Variants in POLK observed in about 807,000 individuals in gnomAD.
POLK encodes DNA polymerase kappa, also known as polymerase (DNA directed) kappa.
A neutral mutation model predicts 94.0 loss-of-function variants in POLK; 76 were observed. The ratio of observed to expected loss-of-function variants is 0.81; its 90% confidence interval spans 0.67 to 0.98. The LOEUF (loss-of-function observed/expected upper bound fraction) is 0.98. POLK is among the 50% of genes least tolerant of loss of function. The pLI is 0.00. For synonymous variants in POLK, 349 were observed against 325.4 expected (o/e 1.07, Z -0.78); for missense variants, 954 against 1,010.1 (o/e 0.94, Z 0.75).
chr5:75,574,914 A>G (rs1292380849), intron 5 of POLK, among the ~76,000 whole-genome samples: 1 of 152,256 alleles, frequency 6.6e-6, no homozygotes, highest in Non-Finnish European at 1.5e-5. Context: ...AAAATCCTAC[A>G]AAAGTTTAGT....
At chr5:75,526,646 A>G (rs1013883510) in intron 1 of POLK, among the ~76,000 whole-genome samples, 47 of 150,680 alleles carry the variant, frequency 3.1e-4, no homozygotes, top group African/African-American at 9.0e-4. Context: ...CAGTGGCTCA[A>G]TCTTGGCTCA....
At chr5:75,520,780 T>A (rs1768539228) in intron 1 of POLK, among the ~76,000 whole-genome samples, 1 of 152,204 alleles carries the variant, frequency 6.6e-6, no homozygotes, top group Non-Finnish European at 1.5e-5. Flanking sequence ...CTCCCTTTAG[T>A]GTTTCTTGTA....
chr5:75,518,698 T>C (rs553964200), intron 1 of POLK, among the ~76,000 whole-genome samples: 1 of 152,302 alleles, frequency 6.6e-6, no homozygotes, highest in South Asian at 2.1e-4. Flanking sequence ...TTGAGATGCA[T>C]TGTTAGGTTA....
intron 3 of POLK, among the ~76,000 whole-genome samples, chr5:75,555,142 A>T (rs1019599435): frequency 6.6e-6 from 1 of 152,210 alleles, no homozygotes; most frequent in African/African-American, 2.4e-5. Flanking sequence ...ATCTACGTTG[A>T]CACAACATTA....
intron 9 of POLK, 25 bp from the exon 10 acceptor site, chr5:75,587,001 A>G (rs780722625): frequency 6.5e-7 from 1 of 1,529,722 alleles, no homozygotes; most frequent in Non-Finnish European, 8.9e-7. Flanking sequence ...TTTGAAAAAT[A>G]AAGACCTTTT....
chr5:75,518,766 C>A (rs921196059), intron 1 of POLK, among the ~76,000 whole-genome samples: 4 of 152,126 alleles, frequency 2.6e-5, no homozygotes, highest in Admixed American at 1.3e-4. Context: ...AAACTTCTCT[C>A]TTGGTACTGC....
intron 1 of POLK, among the ~76,000 whole-genome samples, chr5:75,524,519 A>G (rs974423041): frequency 7.9e-5 from 12 of 152,192 alleles, no homozygotes; most frequent in Non-Finnish European, 1.8e-4. Context: ...AGGAATATGA[A>G]GTAAATTACG....
At chr5:75,545,348 T>C (rs5744583) in intron 1 of POLK, among the ~76,000 whole-genome samples, 7 of 152,196 alleles carry the variant, frequency 4.6e-5, no homozygotes, top group African/African-American at 1.2e-4. Flanking sequence ...TGGCCACTTA[T>C]TTATAGCATA....
At chr5:75,561,018 G>T (rs182857391) in intron 3 of POLK, among the ~76,000 whole-genome samples, 1 of 152,016 alleles carries the variant, frequency 6.6e-6, no homozygotes, top group African/African-American at 2.4e-5. Flanking sequence ...TAATCTTTTG[G>T]GTATATAACT....
At chr5:75,523,053 C>A (rs1415132950) in intron 1 of POLK, among the ~76,000 whole-genome samples, 1 of 152,114 alleles carries the variant, frequency 6.6e-6, no homozygotes, top group African/African-American at 2.4e-5. Flanking sequence ...TTTCCTTCCC[C>A]TGTCTCAGGG....
chr5:75,574,767 T>A (rs1031777596), intron 5 of POLK, among the ~76,000 whole-genome samples: 26 of 152,146 alleles, frequency 1.7e-4, no homozygotes, highest in Non-Finnish European at 7.4e-5. Context: ...CAGCAAGTGC[T>A]TTTTGCATAC....
chr5:75,530,245 C>CTTTTTTTTTTTTT (rs575507126), intron 1 of POLK, among the ~76,000 whole-genome samples: 18 of 95,930 alleles, frequency 1.9e-4, no homozygotes, highest in East Asian at 3.2e-4. Context: ...ATTTGTATTT[C>CTTTTTTTTTTTTT]TTTTTTTTTT....
intron 6 of POLK, among the ~76,000 whole-genome samples, chr5:75,578,526 G>T (rs991075536): frequency 6.6e-6 from 1 of 152,096 alleles, no homozygotes; most frequent in African/African-American, 2.4e-5. Flanking sequence ...AATATCTATT[G>T]CTTTTAACAT....
intron 4 of POLK, 145 bp downstream of exon 4, chr5:75,569,637 T>A: frequency 1.5e-6 from 1 of 663,012 alleles, no homozygotes; most frequent in Non-Finnish European, 2.5e-6. Context: ...AATTACTGAA[T>A]CCTTTCAACA....
At chr5:75,607,467 CAAAAA>C in the POLK span, among the ~76,000 whole-genome samples, 2 of 59,834 alleles carry the variant, frequency 3.3e-5, no homozygotes, top group African/African-American at 1.3e-4. Context: ...GACCTTGTCT[CAAAAA>C]AAAAAAAAAA....
At chr5:75,560,420 G>T (rs1770909486) in intron 3 of POLK, among the ~76,000 whole-genome samples, 1 of 152,138 alleles carries the variant, frequency 6.6e-6, no homozygotes, top group African/African-American at 2.4e-5. Flanking sequence ...AGGAAAGTAA[G>T]CATGAAAGGG....
At chr5:75,574,601 A>C (rs575868454) in intron 5 of POLK, among the ~76,000 whole-genome samples, 1 of 152,324 alleles carries the variant, frequency 6.6e-6, no homozygotes, top group Admixed American at 6.5e-5. Flanking sequence ...ACACTTAAAA[A>C]AACTGTGACC....
chr5:75,511,405 G>A, upstream of POLK: 2 of 1,545,830 alleles, frequency 1.3e-6, no homozygotes, highest in Non-Finnish European at 1.7e-6. Context: ...CGAGGAAGGA[G>A]GACGAGCGGT....
At chr5:75,597,075 C>A (rs200965504) in exon 13 of POLK, 3 of 1,612,862 alleles carry the variant, frequency 1.9e-6, no homozygotes, top group African/African-American at 1.3e-5. Flanking sequence ...TAACCCTGTT[C>A]AATGTGCATG....
Sources: gnomAD v4.1 joint callset for allele counts (sites outside exome capture counted in the v4.1 genomes callset) on GRCh38, gnomAD v4.1.1 for gene constraint, MANE v1.5 for transcripts, NCBI Gene and HGNC (gene_info 2026-07-23, HGNC 2026-07-21) for gene names.